The following PLEC variants were observed in gnomAD, a reference collection of about 807,000 sequenced individuals.
PLEC encodes the protein hemidesmosomal protein 1.
A neutral mutation model predicts 392.8 loss-of-function variants in PLEC; 216 were observed. The ratio of observed to expected loss-of-function variants is 0.55; its 90% CI spans 0.49 to 0.62. The LOEUF (loss-of-function observed/expected upper bound fraction) is 0.62. Ranked by LOEUF, PLEC falls within the 20% of genes least tolerant of loss-of-function variation. The pLI is 0.00. For synonymous variants in PLEC, 3,621 were observed against 2,980.6 expected, an observed-to-expected ratio of 1.21 and a Z score of -7.00; for missense variants, 6,863 against 6,563.4, an observed-to-expected ratio of 1.05 and a Z score of -1.58.
In PLEC at chr8:143,931,581, G is replaced by A. The variant is rs1827269646; in HGVS notation, c.2257C>T (p.Arg753Cys). The change falls in exon 19 of 32, where the codon CGC (arginine) becomes TGC (cysteine). Residue 753 changes from arginine to cysteine, a missense_variant. Coordinates refer to ENST00000345136, the MANE Select transcript of PLEC (RefSeq NM_201384.3). ...TCCAGCCGGGTGACGGTGGCGGAGC[G>A]ATCACAACTGTATTTCCTACGCAGT... ...EALRRKYSCD[R>C]SATVTRLEDL... 9 of 1,598,118 alleles carry A rather than the reference G, an allele frequency of 5.6e-6. No individual in the cohort carries two copies. Among genetic ancestry groups the A allele is most frequent in the African/African-American group, 1.3e-5 (1 of 74,782 alleles).
At position 143,924,037 on chromosome 8, in the gene PLEC, CTGCTCCT is replaced by C. The variant is rs1564031791; in HGVS notation, c.5885_5891del (p.Lys1962ArgfsTer51). On this transcript the variant is annotated frameshift_variant, in exon 31 of 32. Transcript: ENST00000345136. LOFTEE classifies it high-confidence loss of function. ...GCTGCCTCGCAGCCTCCAGCTCGGC[CTGCTCCT>C]TGCTGCGCAGCGTGTCCTCCGCGTT... 1 of 1,595,300 alleles carries C rather than the reference CTGCTCCT, an allele frequency of 6.3e-7. No homozygotes were observed. Among genetic ancestry groups the C allele is most frequent in the South Asian group, 1.1e-5 (1 of 90,584 alleles).
At chr8:143,972,310 C>T (rs1391433483) in intron 1 of PLEC, among the ~76,000 whole-genome samples, 1 of 152,242 alleles carries the variant, frequency 6.6e-6, no homozygotes, top group African/African-American at 2.4e-5. Context: ...CCCAAGGGTG[C>T]AGGAGTGTCT....
chr8:143,938,921 C>T (rs367967626), intron 1 of PLEC, among the ~76,000 whole-genome samples: 2 of 152,232 alleles, frequency 1.3e-5, no homozygotes, highest in African/African-American at 2.4e-5. Context: ...CACCCCACCC[C>T]GGACTCTTCC....
chr8:143,950,810 AGCGGGCAGCGGCAGGGCAGGCGG>A (rs1832070141), exon 1 of PLEC: 3 of 1,505,088 alleles, frequency 2.0e-6, no homozygotes, highest in Non-Finnish European at 2.7e-6. Flanking sequence ...AGGGTGTGAC[AGCGGGCAGCGGCAGGGCAGGCGG>A]GCGGGCAGGC....
chr8:143,938,352 A>G, intron 2 of PLEC, 112 bp from the exon 3 acceptor site: 1 of 1,536,184 alleles, frequency 6.5e-7, no homozygotes, highest in Admixed American at 2.0e-5. Context: ...GCGGGGGCTG[A>G]GTCTCCCGGG....
Position 143,923,319 on chromosome 8 carries a change from G to A in PLEC, c.6610C>T (p.Leu2204=), listed in dbSNP as rs374204128. The A allele has an allele frequency of 2.6e-5, 42 of 1,609,878 alleles. 1 individual carries two copies. The South Asian group carries it at 4.2e-4, about 16-fold the overall frequency. The part of the protein sequence containing the change: ...QLEETDHQKN[L]LDEELQRLKA... The stretch of plus-strand genomic sequence containing the variant: ...AGCCGCTGCAGCTCCTCGTCCAGCA[G>A]GTTCTTCTGGTGGTCGGTCTCCTCC... Residue 2204 remains leucine, a synonymous_variant, in exon 31 of 32, where the codon CTG becomes TTG. Coordinates refer to ENST00000345136, the MANE Select transcript of PLEC (RefSeq NM_201384.3).
Position 143,929,596 on chromosome 8 carries a change from C to A in PLEC, c.2924-25G>T, listed in dbSNP as rs782033389. 5 of 1,611,600 alleles carry A rather than the reference C, an allele frequency of 3.1e-6. No homozygotes were observed. In the Admixed American group the frequency reaches 8.3e-5, roughly 27 times the overall value. On this transcript the variant is annotated intron_variant, in intron 23 of 31. Transcript: ENST00000345136. ...CCTGGGGAACACATGTGGGTCACTC[C>A]ACCGCCCACCTCGCACCAGCCCAAC...
chr8:143,968,593 G>GT (rs1211189649), intron 1 of PLEC, among the ~76,000 whole-genome samples: 1 of 144,866 alleles, frequency 6.9e-6, no homozygotes, highest in East Asian at 2.0e-4. Flanking sequence ...AACAGAAAAT[G>GT]TTTGCAAATC....
At chr8:143,946,149 C>G (rs980288139) in intron 1 of PLEC, among the ~76,000 whole-genome samples, 1 of 152,240 alleles carries the variant, frequency 6.6e-6, no homozygotes, top group East Asian at 1.9e-4. Context: ...TTCTACCACT[C>G]CACGGAGGTC....
chr8:143,933,090 G>A lies in PLEC; in HGVS notation c.1440C>T (p.Arg480=). The change falls in exon 14 of 32, where the codon CGC becomes CGT. Residue 480 remains arginine, a synonymous_variant. Transcript: ENST00000345136. ...MYRRVYRLHE[R]LVAIRTEYNL... ...TGTACTCGGTGCGGATGGCTACCAG[G>A]CGCTCGTGCAGACGGTACACCCTGG... 1.3e-6 allele frequency: 2 copies of A among 1,590,646 alleles called. No homozygotes were observed. Among genetic ancestry groups the A allele is most frequent in the Non-Finnish European group, 1.7e-6 (2 of 1,170,974 alleles).
At chr8:143,973,771 G>A (rs1381696575), upstream of PLEC, among the ~76,000 whole-genome samples, 2 of 151,566 alleles carry the variant, frequency 1.3e-5, no homozygotes, top group African/African-American at 4.8e-5. The surrounding 1 kb of genome is among the most constrained non-coding windows in gnomAD (Gnocchi z 5.6). Flanking sequence ...GGGTCCTCGG[G>A]TGGCCCCCGC....
chr8:143,950,045 G>T, intron 1 of PLEC: 1 of 1,152,242 alleles, frequency 8.7e-7, no homozygotes, highest in Non-Finnish European at 1.2e-6. Flanking sequence ...TCGGCTAGGG[G>T]GGGCCACCTG....
chr8:143,958,033 G>T (rs930303892), upstream of PLEC, among the ~76,000 whole-genome samples: 3 of 152,186 alleles, frequency 2.0e-5, no homozygotes, highest in Non-Finnish European at 4.4e-5. The surrounding 1 kb of genome is among the most constrained non-coding windows in gnomAD (Gnocchi z 4.9). Flanking sequence ...TCAGCCCTCC[G>T]GAGGCACAGA....
Position 143,922,272 on chromosome 8 carries a change from C to G in PLEC, c.7549G>C (p.Glu2517Gln). Residue 2517 changes from glutamate to glutamine, a missense_variant, in exon 32 of 32, where the codon GAG becomes CAG. Transcript: ENST00000345136. The part of the protein sequence containing the change: ...RFIEQEKAKL[E>Q]QLFQDEVAKA... ...GCCACCTCGTCCTGGAAGAGCTGCT[C>G]CAGCTTGGCCTTCTCCTGCTCGATG... 6 of 1,604,040 alleles carry G rather than the reference C, an allele frequency of 3.7e-6. No homozygotes were observed. The highest frequency in any genetic ancestry group is 5.1e-6 in the Non-Finnish European group (6 of 1,178,126).
rs782045881 is a variant in PLEC at position 143,933,273 on chromosome 8, T to C, written c.1342A>G (p.Met448Val). 3.1e-6 allele frequency: 5 copies of C among 1,613,072 alleles called. No homozygotes were observed. The highest frequency in any genetic ancestry group is 2.7e-5 in the African/African-American group (2 of 74,916). ...VERDLDKADS[M>V]IRLLFNDVQT... is the part of the protein sequence containing the mutation. ...ACGTCGTTGAAGAGCAGCCGGATCA[T>C]GCTATCCGCCTTGTCCAAGTCCCGT... The change falls in exon 13 of 32, where the codon ATG (methionine) becomes GTG (valine). Residue 448 changes from methionine to valine, a missense_variant. Transcript: ENST00000345136.
chr8:143,946,284 G>C (rs980359493), intron 1 of PLEC: 2 of 1,156,140 alleles, frequency 1.7e-6, no homozygotes, highest in African/African-American at 1.6e-5. Flanking sequence ...GGAAGAGACA[G>C]GTCTGCCAGA....
chr8:143,924,062 T>C lies in PLEC; in HGVS notation c.5867A>G (p.Glu1956Gly). ...CTGCTCCTTGCTGCGCAGCGTGTCC[T>C]CCGCGTTGCTGCGGATGCGTCCCAG... ...LELGRIRSNA[E>G]DTLRSKEQAE... The change falls in exon 31 of 32, where the codon GAG becomes GGG. Residue 1956 changes from glutamate to glycine, a missense_variant. Transcript: ENST00000345136. 1 of 1,597,444 alleles carries C rather than the reference T, an allele frequency of 6.3e-7. No homozygotes were observed. The highest frequency in any genetic ancestry group is 8.5e-7 in the Non-Finnish European group (1 of 1,178,976).
At chr8:143,946,467 A>G in intron 1 of PLEC, 2 of 1,134,622 alleles carry the variant, frequency 1.8e-6, no homozygotes, top group South Asian at 2.6e-5. Context: ...AAGGGGTGGG[A>G]GGCAGAGGGA....
At chr8:143,953,993 T>G (rs1400057284), upstream of PLEC, 29 of 1,200,148 alleles carry the variant, frequency 2.4e-5, 1 homozygote, top group East Asian at 3.6e-4. Flanking sequence ...CCTGTGGTTC[T>G]GGGGCACGCG....
Sources: allele counts gnomAD v4.1 joint callset (sites outside exome capture counted in the v4.1 genomes callset), GRCh38; gene constraint gnomAD v4.1.1; non-coding constraint Gnocchi (gnomAD v3.1); transcripts MANE v1.5; gene names NCBI Gene and HGNC (gene_info 2026-07-23, HGNC 2026-07-21).